Variants in NOS1AP observed in about 807,000 individuals in gnomAD.
NOS1AP encodes the protein nitric oxide synthase 1 adaptor protein.
Under a neutral mutation model 56.2 loss-of-function variants are expected in NOS1AP, and 21 were observed. That is an observed-to-expected ratio of 0.37 (90% CI 0.26 to 0.54). The LOEUF (loss-of-function observed/expected upper bound fraction) is 0.54, where lower values mean the gene tolerates loss of function less well. Ranked by LOEUF, NOS1AP falls within the 20% of genes least tolerant of loss-of-function variation. The pLI is 0.84. For missense variants in NOS1AP, 522 were observed against 657.8 expected (o/e 0.79, Z 2.26); for synonymous variants, 270 against 274.6 (o/e 0.98, Z 0.17).
intron 2 of NOS1AP, among the ~76,000 whole-genome samples, chr1:162,246,531 G>A (rs1653671310): frequency 6.6e-6 from 1 of 152,170 alleles, no homozygotes; most frequent in South Asian, 2.1e-4. Flanking sequence ...TGCTCTCCAG[G>A]AGATTTTAAT....
chr1:162,247,045 C>T (rs955419707), intron 2 of NOS1AP, among the ~76,000 whole-genome samples: 7 of 152,154 alleles, frequency 4.6e-5, no homozygotes, highest in Non-Finnish European at 8.8e-5. Context: ...TGCTTTTCTT[C>T]AGTAATCCCT....
chr1:162,203,234 A>G (rs566831162), intron 2 of NOS1AP, among the ~76,000 whole-genome samples: 2 of 152,308 alleles, frequency 1.3e-5, no homozygotes, highest in Admixed American at 1.3e-4. Context: ...GAGGTTGTTC[A>G]TTGATCCAAC....
intron 2 of NOS1AP, among the ~76,000 whole-genome samples, chr1:162,257,908 A>G (rs1427100194): frequency 1.3e-5 from 2 of 151,574 alleles, no homozygotes; most frequent in Admixed American, 6.6e-5. Context: ...TTCTATCCAT[A>G]TTTCAGAGAG....
At chr1:162,158,920 T>C (rs1474014456) in intron 2 of NOS1AP, among the ~76,000 whole-genome samples, 2 of 152,220 alleles carry the variant, frequency 1.3e-5, no homozygotes, top group African/African-American at 4.8e-5. Context: ...CCTTTTTAAA[T>C]TGAAACATGT....
intron 1 of NOS1AP, among the ~76,000 whole-genome samples, chr1:162,138,308 T>C (rs1311161417): frequency 1.3e-5 from 2 of 152,158 alleles, no homozygotes; most frequent in Non-Finnish European, 2.9e-5. Context: ...GATGGTGGGA[T>C]ACGTGGTTTC....
At chr1:162,249,403 G>A (rs775794348) in intron 2 of NOS1AP, among the ~76,000 whole-genome samples, 6 of 152,110 alleles carry the variant, frequency 3.9e-5, no homozygotes, top group African/African-American at 1.2e-4. Flanking sequence ...GTATGGTCAC[G>A]AAGAGAATCC....
At chr1:162,360,827 A>G (rs1022284765) in intron 8 of NOS1AP, 1 of 456,336 alleles carries the variant, frequency 2.2e-6, no homozygotes, top group African/African-American at 2.0e-5. Context: ...GGTGGGGCAA[A>G]TTGCTCTGGT....
rs1216214439 is a variant in NOS1AP at position 162,168,816 on chromosome 1, G to T, written c.177+14340G>T. 2.6e-5 allele frequency among the ~76,000 whole-genome samples: 4 copies of T among 152,050 alleles called. No individual in the cohort carries two copies. In the South Asian group the frequency reaches 6.2e-4, roughly 24 times the overall value. ...GCTTCAAGCCTCAAAAAGTTATTTCGATAATATAGTAAGTCACTGCTCCTT... is the reference window on the plus strand; with the variant it reads ...GCTTCAAGCCTCAAAAAGTTATTTCTATAATATAGTAAGTCACTGCTCCTT... On this transcript the variant is annotated intron_variant, in intron 2 of 9. Transcript: ENST00000361897.
intron 1 of NOS1AP, among the ~76,000 whole-genome samples, chr1:162,094,493 A>C (rs1156694595): frequency 6.6e-6 from 1 of 152,078 alleles, no homozygotes; most frequent in Non-Finnish European, 1.5e-5. Context: ...GCCCCTAATC[A>C]TGCTTGTTAG....
At chr1:162,080,293 CTGTT>C (rs949409992) in intron 1 of NOS1AP, among the ~76,000 whole-genome samples, 1 of 152,170 alleles carries the variant, frequency 6.6e-6, no homozygotes, top group African/African-American at 2.4e-5. Context: ...AATTCCTACT[CTGTT>C]AGTTAGAAAA....
At chr1:162,108,741 G>T (rs370198373) in intron 1 of NOS1AP, among the ~76,000 whole-genome samples, 2 of 152,046 alleles carry the variant, frequency 1.3e-5, no homozygotes, top group Admixed American at 1.3e-4. Context: ...TATACAGGGG[G>T]CAGAGGAATG....
chr1:162,250,766 C>T (rs951584601), intron 2 of NOS1AP, among the ~76,000 whole-genome samples: 2 of 152,142 alleles, frequency 1.3e-5, no homozygotes, highest in Non-Finnish European at 1.5e-5. Flanking sequence ...CCCTGGCATG[C>T]GAAGAGTGTG....
chr1:162,114,638 T>C (rs956406067), intron 1 of NOS1AP, among the ~76,000 whole-genome samples: 27 of 152,194 alleles, frequency 1.8e-4, no homozygotes, highest in Non-Finnish European at 7.3e-5. Context: ...TCTGGGAAAT[T>C]GGATGCATCA....
chr1:162,196,767 A>G (rs1482426357), intron 2 of NOS1AP, among the ~76,000 whole-genome samples: 2 of 152,216 alleles, frequency 1.3e-5, no homozygotes, highest in Admixed American at 1.3e-4. Context: ...AAATAATCAT[A>G]AATTTTACAG....
At chr1:162,267,782 A>G (rs1369071681) in intron 2 of NOS1AP, among the ~76,000 whole-genome samples, 2 of 152,074 alleles carry the variant, frequency 1.3e-5, no homozygotes, top group Non-Finnish European at 2.9e-5. Context: ...AATAATAAAT[A>G]AAATAATAAA....
intron 2 of NOS1AP, among the ~76,000 whole-genome samples, chr1:162,200,249 G>C (rs1651948497): frequency 6.6e-6 from 1 of 152,172 alleles, no homozygotes; most frequent in Non-Finnish European, 1.5e-5. Context: ...ATGGATATTT[G>C]GTGGTTTTCA....
At chr1:162,190,614 A>C (rs1000980338) in intron 2 of NOS1AP, among the ~76,000 whole-genome samples, 12 of 152,178 alleles carry the variant, frequency 7.9e-5, no homozygotes, top group African/African-American at 2.9e-4. Flanking sequence ...TGTGTTGGGA[A>C]CATTCAGTGT....
chr1:162,144,653 T>C (rs984637482), intron 1 of NOS1AP, among the ~76,000 whole-genome samples: 6 of 152,178 alleles, frequency 3.9e-5, no homozygotes, highest in African/African-American at 1.4e-4. Context: ...CAGAAAGTGC[T>C]GCCGGCCCAG....
At chr1:162,138,216 A>C (rs745313317) in intron 1 of NOS1AP, among the ~76,000 whole-genome samples, 5 of 152,190 alleles carry the variant, frequency 3.3e-5, no homozygotes, top group African/African-American at 1.2e-4. Context: ...TTCAGAAAAA[A>C]GCATAGCCTG....
Sources: gnomAD v4.1 joint callset for allele counts (sites outside exome capture counted in the v4.1 genomes callset) on GRCh38, gnomAD v4.1.1 for gene constraint, MANE v1.5 for transcripts, NCBI Gene and HGNC (gene_info 2026-07-23, HGNC 2026-07-21) for gene names.